TMEM114: variants seen among roughly 807,000 people sequenced by gnomAD.
TMEM114 encodes claudin-26.
In TMEM114, 6 loss-of-function variants were observed where a neutral mutation model predicts 6.2. The ratio of observed to expected loss-of-function variants is 0.97; its 90% confidence interval spans 0.53 to 1.91. The LOEUF is 1.91. Ranked by LOEUF, TMEM114 falls within the 40% of genes most tolerant of loss-of-function variation. The probability of loss-of-function intolerance (pLI) is 0.01; values close to 1 mark genes in which losing one functional copy is unlikely to be tolerated. For synonymous variants in TMEM114, 104 were observed against 73.0 expected (o/e 1.42, Z -2.16); for missense variants, 218 against 158.3 (o/e 1.38, Z -2.02).
intron 2 of TMEM114, among the ~76,000 whole-genome samples, chr16:8,549,640 T>C (rs540960774): frequency 2.6e-5 from 4 of 152,218 alleles, no homozygotes; most frequent in African/African-American, 9.6e-5. Flanking sequence ...TGTGTGTGTA[T>C]GTGTGTGAAA....
chr16:8,531,705 T>A, the TMEM114 span, among the ~76,000 whole-genome samples: 1 of 152,206 alleles, frequency 6.6e-6, no homozygotes, highest in African/African-American at 2.4e-5. Context: ...AAAGTAACAA[T>A]TGAATAATTC....
At chr16:8,547,344 G>C (rs988818453) in intron 2 of TMEM114, among the ~76,000 whole-genome samples, 4 of 151,762 alleles carry the variant, frequency 2.6e-5, no homozygotes, top group Non-Finnish European at 5.9e-5. Context: ...GTCCTGAAAT[G>C]CATTCCCATT....
At chr16:8,557,384 G>T (rs930427919) in intron 2 of TMEM114, among the ~76,000 whole-genome samples, 3 of 152,126 alleles carry the variant, frequency 2.0e-5, no homozygotes, top group Non-Finnish European at 4.4e-5. Flanking sequence ...GAGCCATATG[G>T]AAAGGCCCCG....
At chr16:8,562,590 A>AAGTGAATGAGTGAGTGAGTGAATGAGTG in intron 2 of TMEM114, among the ~76,000 whole-genome samples, 1 of 89,096 alleles carries the variant, frequency 1.1e-5, no homozygotes, top group East Asian at 2.8e-4. Flanking sequence ...GGAAATAAGT[A>AAGTGAATGAGTGAGTGAGTGAATGAGTG]AGTGAATGAG....
downstream of TMEM114, among the ~76,000 whole-genome samples, chr16:8,535,600 A>T (rs1191633791): frequency 6.6e-6 from 1 of 152,236 alleles, no homozygotes; most frequent in African/African-American, 2.4e-5. Flanking sequence ...AATGAAATAT[A>T]TCATTTGTCA....
chr16:8,554,335 C>T (rs988468190), intron 2 of TMEM114, among the ~76,000 whole-genome samples: 3 of 152,060 alleles, frequency 2.0e-5, no homozygotes, highest in African/African-American at 7.2e-5. Context: ...GCAGGAGCAT[C>T]GCTTGAGACC....
chr16:8,550,835 T>C (rs9936294), intron 2 of TMEM114, among the ~76,000 whole-genome samples: 115,075 of 151,954 alleles, frequency 0.76, 44,753 homozygotes, highest in African/African-American at 0.94. Flanking sequence ...CATCCCCTTC[T>C]TCACCCTGTG....
chr16:8,569,883 A>G lies in TMEM114; in HGVS notation c.562T>C (p.Ser188Pro). 1 of 1,551,118 alleles carries G rather than the reference A, an allele frequency of 6.4e-7. No homozygotes were observed. The highest frequency in any genetic ancestry group is 8.7e-7 in the Non-Finnish European group (1 of 1,146,938). ...AAGCTGATCCAGCCCAGGGCCAGGG[A>G]CCAGCCGAAGCTGATGTCCACCTGG... is the stretch of plus-strand genomic sequence containing the variant. ...LDQVDISFGWSLALGWISFIA... is the reference protein window; with the variant it reads ...LDQVDISFGWPLALGWISFIA... Residue 188 changes from serine to proline, a missense_variant, in exon 4 of 4, where the codon TCC becomes CCC. Physicochemically the swap from Ser to Pro is moderately conservative, Grantham distance 74. Transcript: ENST00000620492.
At chr16:8,562,526 T>TGAGTGAGTGAGTGAATCAGTGAGTGAGTG (rs1465142445) in intron 2 of TMEM114, among the ~76,000 whole-genome samples, 2 of 127,142 alleles carry the variant, frequency 1.6e-5, no homozygotes, top group Non-Finnish European at 3.4e-5. Flanking sequence ...ATGAGTGAGT[T>TGAGTGAGTGAGTGAATCAGTGAGTGAGTG]AATGAGTGAG....
intron 2 of TMEM114, among the ~76,000 whole-genome samples, chr16:8,558,738 C>A (rs1901098171): frequency 7.5e-6 from 1 of 133,526 alleles, no homozygotes; most frequent in African/African-American, 2.9e-5. Context: ...TATGATTGCA[C>A]CCAGTTCTTT....
intron 2 of TMEM114, among the ~76,000 whole-genome samples, chr16:8,553,831 C>G (rs1187224414): frequency 2.6e-5 from 4 of 151,910 alleles, no homozygotes; most frequent in Non-Finnish European, 5.9e-5. Flanking sequence ...TCCCAAGTAG[C>G]TGGAATTACA....
chr16:8,572,151 A>G lies in TMEM114; in HGVS notation c.375T>C (p.Phe125=). Residue 125 remains phenylalanine, a synonymous_variant, in exon 3 of 4, where the codon TTT becomes TTC. Coordinates refer to ENST00000620492, the MANE Select transcript of TMEM114 (RefSeq NM_001146336.2). ...GGTAGGCTTGGAGGAGGAAGCTCAG[A>G]AACCCCGTCATCCCCCCAAAAACCA... ...ILMVFGGMTG[F]LSFLLQAYLL... The G allele has an allele frequency of 1.3e-6, 2 of 1,551,628 alleles. No individual in the cohort carries two copies. The highest frequency in any genetic ancestry group is 1.7e-6 in the Non-Finnish European group (2 of 1,146,962).
In TMEM114 at chr16:8,563,174, T is replaced by C. The variant is rs532657082; in HGVS notation, n.213-25348A>G. ...CTGAATGAGTGAGTGAGTGAGTAAA[T>C]GAGTGAGTGAATGAGTGAATGAATG... On this transcript the variant is annotated intron_variant and non_coding_transcript_variant, in intron 2 of 2. Coordinates refer to the TMEM114 transcript ENST00000623677. Among the ~76,000 whole-genome samples the C allele has an allele frequency of 1.6e-4, 23 of 147,062 alleles. No homozygotes were observed. The East Asian group carries it at 4.6e-3, about 30-fold the overall frequency.
Position 8,590,498 on chromosome 16 carries a change from G to A in TMEM114, c.-660C>T, listed in dbSNP as rs990350442. On this transcript the variant is annotated 5_prime_UTR_variant, in exon 1 of 4. Transcript: ENST00000620492. ...CCTCTGAGCCCTCCTCCTCGCCGAGGAAAAGCTCGGAGTGCGCACGCAGCA... is the reference window on the plus strand; with the variant it reads ...CCTCTGAGCCCTCCTCCTCGCCGAGAAAAAGCTCGGAGTGCGCACGCAGCA... Among the ~76,000 whole-genome samples, 8 of 152,324 alleles carry A rather than the reference G, an allele frequency of 5.3e-5. No homozygotes were observed. The Middle Eastern group carries it at 0.017, about 324-fold the overall frequency.
chr16:8,589,430 G>C (rs1420174786), intron 1 of TMEM114, 137 bp from the exon 2 acceptor site: 1 of 398,158 alleles, frequency 2.5e-6, no homozygotes, highest in Admixed American at 4.4e-5. Context: ...AGTTGGGATC[G>C]CAGCCGGGTG....
At chr16:8,527,800 C>G in the TMEM114 span, among the ~76,000 whole-genome samples, 1 of 152,156 alleles carries the variant, frequency 6.6e-6, no homozygotes, top group East Asian at 1.9e-4. Flanking sequence ...TCTGTCTCCC[C>G]CCAATACAGG....
chr16:8,541,749 A>G (rs1352303192), intron 2 of TMEM114, among the ~76,000 whole-genome samples: 7 of 152,184 alleles, frequency 4.6e-5, no homozygotes, highest in African/African-American at 1.7e-4. Flanking sequence ...AGAGAACCCA[A>G]CATAAGCCAC....
chr16:8,558,695 C>G (rs1280307134), intron 2 of TMEM114, among the ~76,000 whole-genome samples: 2 of 152,116 alleles, frequency 1.3e-5, no homozygotes, highest in Non-Finnish European at 2.9e-5. Flanking sequence ...CTCTCAGGGC[C>G]CCATTGACAG....
intron 2 of TMEM114, among the ~76,000 whole-genome samples, chr16:8,538,609 G>A (rs940172066): frequency 1.3e-5 from 2 of 152,012 alleles, no homozygotes; most frequent in Admixed American, 6.6e-5. Flanking sequence ...TTGGGTCCAC[G>A]CCATTCTCTT....
Sources: gnomAD v4.1 joint callset for allele counts (sites outside exome capture counted in the v4.1 genomes callset) on GRCh38, gnomAD v4.1.1 for gene constraint, MANE v1.5 for transcripts, NCBI Gene and HGNC (gene_info 2026-07-23, HGNC 2026-07-21) for gene names.